CDH3: variants seen among roughly 807,000 people sequenced by gnomAD.
CDH3 encodes cadherin 3.
In CDH3, 54 loss-of-function variants were observed where a neutral mutation model predicts 82.0. The observed-to-expected ratio is 0.66, with a 90% CI of 0.53 to 0.83. The LOEUF (loss-of-function observed/expected upper bound fraction) is 0.83, where lower values mean the gene tolerates loss of function less well. Among genes scored for constraint, CDH3 ranks in the 40% least tolerant of loss-of-function variants. CDH3 has a pLI of 0.00. For missense variants in CDH3, 1,054 were observed against 1,084.6 expected (o/e 0.97, Z 0.40); for synonymous variants, 446 against 437.9 (o/e 1.02, Z -0.23).
chr16:68,683,500 A>T (rs1025935822), intron 9 of CDH3, among the ~76,000 whole-genome samples: 8 of 151,284 alleles, frequency 5.3e-5, no homozygotes, highest in Non-Finnish European at 1.0e-4. Flanking sequence ...AAATACAAAA[A>T]AATTAGCTGG....
rs370978420 is a variant in CDH3 at position 68,678,750 on chromosome 16, T to C, written c.547-12T>C. ...TGGCACCGGGCTGACCCCAGAGCTG[T>C]GTACCCCACAGCTCTTTGGCCACGC... On this transcript the variant is annotated splice_polypyrimidine_tract_variant and intron_variant, in intron 5 of 15. Transcript: ENST00000264012. The C allele has an allele frequency of 5.2e-5, 84 of 1,614,030 alleles. No homozygotes were observed. Among genetic ancestry groups the C allele is most frequent in the Non-Finnish European group, 6.2e-5 (73 of 1,180,032 alleles).
chr16:68,690,086 C>T (rs1961523165), intron 12 of CDH3, among the ~76,000 whole-genome samples: 1 of 152,210 alleles, frequency 6.6e-6, no homozygotes, highest in South Asian at 2.1e-4. Context: ...GATTGCCACG[C>T]AGTCTCCCCC....
chr16:68,668,252 A>G (rs1419213387), intron 2 of CDH3, among the ~76,000 whole-genome samples: 1 of 152,182 alleles, frequency 6.6e-6, no homozygotes, highest in Non-Finnish European at 1.5e-5. Flanking sequence ...TGCCCCAGAA[A>G]GAGTTTGATG....
At chr16:68,679,724 GAA>G (rs1961154832) in intron 6 of CDH3, 73 bp from the exon 7 acceptor site, 2 of 580,754 alleles carry the variant, frequency 3.4e-6, no homozygotes, top group South Asian at 2.1e-5. Flanking sequence ...AAAAAGAAAA[GAA>G]AAAAAGAGTT....
chr16:68,708,674 C>T (rs1361770434), intron 1 of CDH3, among the ~76,000 whole-genome samples: 12 of 150,766 alleles, frequency 8.0e-5, no homozygotes, highest in African/African-American at 2.4e-4. Flanking sequence ...GACCGAGTCT[C>T]GCTCTGTCGC....
At chr16:68,679,756 G>A (rs1449898036) in intron 6 of CDH3, 43 bp from the exon 7 acceptor site, 3 of 1,329,594 alleles carry the variant, frequency 2.3e-6, no homozygotes, top group Non-Finnish European at 3.3e-6. Flanking sequence ...GACAGGGCTG[G>A]AGTTGGAACT....
At chr16:68,692,844 C>A (rs970751165) in intron 13 of CDH3, among the ~76,000 whole-genome samples, 2 of 152,230 alleles carry the variant, frequency 1.3e-5, no homozygotes, top group Non-Finnish European at 2.9e-5. Flanking sequence ...GTGGCTCACA[C>A]TTGTAATCCC....
At chr16:68,682,565 T>C (rs1961264384) in intron 9 of CDH3, 78 bp downstream of exon 9, 1 of 1,384,140 alleles carries the variant, frequency 7.2e-7, no homozygotes, top group Admixed American at 1.7e-5. Flanking sequence ...GGAGCCACTG[T>C]CTACCGTGGG....
At chr16:68,679,740 G>GAAGTAGAC (rs1961155746) in intron 6 of CDH3, 59 bp from the exon 7 acceptor site, 2 of 833,622 alleles carry the variant, frequency 2.4e-6, no homozygotes, top group Non-Finnish European at 4.0e-6. Context: ...AAGAGTTCCA[G>GAAGTAGAC]AAGTAGACAG....
intron 2 of CDH3, chr16:68,652,097 C>A (rs1262923607): frequency 1.1e-5 from 2 of 177,988 alleles, no homozygotes; most frequent in African/African-American, 4.8e-5. Context: ...TTGAGGAAGT[C>A]AGTGAGAGGT....
At chr16:68,651,346 G>A (rs560465195) in intron 2 of CDH3, 41 of 553,590 alleles carry the variant, frequency 7.4e-5, no homozygotes, top group South Asian at 1.4e-4. Flanking sequence ...GCTGATGGTC[G>A]AGTGGTCCAC....
intron 9 of CDH3, among the ~76,000 whole-genome samples, chr16:68,683,305 T>C (rs1961281554): frequency 6.6e-6 from 1 of 152,130 alleles, no homozygotes; most frequent in South Asian, 2.1e-4. Flanking sequence ...ATTTATAATA[T>C]AACTAACCTA....
rs796599035 is a variant in CDH3, at chr16:68,721,958, G to A, written c.100-467G>A. ...TACAAAAGTTAGCTGGGTGTGTGGC[G>A]GGTGCCTGTAACTCCAGCTACTCAG... On this transcript the variant is annotated intron_variant, in intron 1 of 2. Transcript: ENST00000569080. Among the ~76,000 whole-genome samples the A allele has an allele frequency of 8.1e-4, 123 of 152,090 alleles. 1 individual carries two copies. Among genetic ancestry groups the A allele is most frequent in the African/African-American group, 2.7e-3 (111 of 41,498 alleles).
intron 2 of CDH3, among the ~76,000 whole-genome samples, chr16:68,650,658 C>T (rs1027754846): frequency 5.3e-5 from 8 of 152,086 alleles, no homozygotes; most frequent in Non-Finnish European, 7.4e-5. Flanking sequence ...ACAAACTGAT[C>T]GGCTGACAAA....
chr16:68,688,077 G>A (rs568492977), intron 12 of CDH3, among the ~76,000 whole-genome samples: 4 of 150,946 alleles, frequency 2.6e-5, no homozygotes, highest in African/African-American at 4.9e-5. Flanking sequence ...CCTGACTCTC[G>A]CTATGTGACA....
chr16:68,677,139 TC>T (rs1305452552), intron 3 of CDH3, among the ~76,000 whole-genome samples: 1 of 152,236 alleles, frequency 6.6e-6, no homozygotes, highest in Non-Finnish European at 1.5e-5. Flanking sequence ...AAAAACAGAT[TC>T]TTTTCCTTAT....
intron 2 of CDH3, among the ~76,000 whole-genome samples, chr16:68,659,975 C>T (rs898262835): frequency 1.3e-5 from 2 of 152,100 alleles, no homozygotes; most frequent in African/African-American, 4.8e-5. Flanking sequence ...TTAATAGCGC[C>T]GTAGTCTTTT....
intron 2 of CDH3, among the ~76,000 whole-genome samples, chr16:68,662,030 C>A (rs1315962226): frequency 6.6e-6 from 1 of 152,120 alleles, no homozygotes; most frequent in East Asian, 1.9e-4. Flanking sequence ...GTAATAAATT[C>A]TATGGAGGAA....
chr16:68,698,414 A>G lies in CDH3; in HGVS notation c.*14A>G, dbSNP rs759899742. 1.9e-6 allele frequency: 3 copies of G among 1,612,174 alleles called. No homozygotes were observed. The South Asian group carries it at 3.3e-5, about 18-fold the overall frequency. On this transcript the variant is annotated 3_prime_UTR_variant, in exon 16 of 16. Transcript: ENST00000264012. ...GAGGACGACTAGGCGGCCTGCCTGCAGGGCTGGGGACCAAACGTCAGGCCA... is the reference window on the plus strand; with the variant it reads ...GAGGACGACTAGGCGGCCTGCCTGCGGGGCTGGGGACCAAACGTCAGGCCA...
Sources: allele counts gnomAD v4.1 joint callset (sites outside exome capture counted in the v4.1 genomes callset), GRCh38; gene constraint gnomAD v4.1.1; transcripts MANE v1.5; gene names NCBI Gene and HGNC (gene_info 2026-07-23, HGNC 2026-07-21).